The following PDPN variants were observed in gnomAD, a reference collection of about 807,000 sequenced individuals.
The protein encoded by PDPN is podoplanin.
PDPN carries 12 observed loss-of-function variants against 23.2 expected under a neutral mutation model. That is an observed-to-expected ratio of 0.52 (90% confidence interval 0.33 to 0.84). PDPN has a LOEUF of 0.84. Among genes scored for constraint, PDPN ranks in the 40% least tolerant of loss-of-function variants. The probability of loss-of-function intolerance (pLI) is 0.02; values close to 1 mark genes in which losing one functional copy is unlikely to be tolerated. For missense variants in PDPN, 199 were observed against 212.2 expected (o/e 0.94, Z 0.39); for synonymous variants, 77 against 76.7 (o/e 1.00, Z -0.02).
chr1:13,613,870 CT>C (rs34784418), intron 4 of PDPN, 145 bp downstream of exon 4: 106,375 of 217,572 alleles, frequency 0.49, 22,052 homozygotes, highest in African/African-American at 0.59. Flanking sequence ...AGATTTCAAG[CT>C]TTTTTTTTTT....
intron 1 of PDPN, among the ~76,000 whole-genome samples, chr1:13,605,512 C>G (rs2788749): frequency 0.5 from 75,844 of 152,078 alleles, 19,089 homozygotes; most frequent in East Asian, 0.64. Context: ...ATGGTCATGA[C>G]TAGTTTGGGT....
In PDPN at chr1:13,595,876, G is replaced by A. The variant is rs752442442; in HGVS notation, c.68-11297G>A. The A allele has an allele frequency of 1.0e-4, 130 of 1,288,546 alleles. 1 individual carries two copies. In the South Asian group the frequency reaches 1.5e-3, roughly 15 times the overall value. The allele number at this position is 1,288,546 out of a possible 1,614,324, so 79.8% of individuals were successfully genotyped here. On this transcript the variant is annotated intron_variant, in intron 1 of 5. Coordinates refer to ENST00000621990, the MANE Select transcript of PDPN (RefSeq NM_006474.5). ...GTGAAGCCTGGTGGACAGCGGCAGG[G>A]ACATCATAAATACAGAAGATAATTT...
chr1:13,614,582 GTC>G, intron 5 of PDPN, 171 bp downstream of exon 5: 1 of 563,844 alleles, frequency 1.8e-6, no homozygotes, highest in Non-Finnish European at 3.2e-6. Context: ...GTAAGACCCT[GTC>G]TCAAAAAAAT....
At chr1:13,585,783 A>C (rs1477007130) in intron 1 of PDPN, 1 of 529,270 alleles carries the variant, frequency 1.9e-6, no homozygotes, top group Non-Finnish European at 3.4e-6. Flanking sequence ...GAGGCCCAGC[A>C]GGGTTTTTGT....
chr1:13,607,345 A>G (rs375769363), intron 2 of PDPN, 39 bp downstream of exon 2: 31 of 1,562,562 alleles, frequency 2.0e-5, no homozygotes, highest in African/African-American at 2.7e-5. Flanking sequence ...TTCCGTAGGC[A>G]TGTGATCACA....
intron 1 of PDPN, among the ~76,000 whole-genome samples, chr1:13,595,549 G>A (rs903236437): frequency 1.3e-5 from 2 of 152,160 alleles, no homozygotes; most frequent in African/African-American, 4.8e-5. Context: ...TCACGTGCTG[G>A]ATTTCTCCTG....
rs531657978 is a variant in PDPN, at chr1:13,584,414, G to A, written c.67+314G>A. 8.3e-4 allele frequency: 884 copies of A among 1,064,546 alleles called. 14 individuals carry two copies. In the South Asian group the frequency reaches 0.014, roughly 17 times the overall value. The allele number at this position is 1,064,546 out of a possible 1,614,324, so 65.9% of individuals were successfully genotyped here. ...TCGGGTGGAAGGTTCACAGTAGGCA[G>A]CCCCGCTTGCTGGCAGCAGTGGCTG... On this transcript the variant is annotated intron_variant, in intron 1 of 5. Transcript: ENST00000621990.
chr1:13,584,796 A>G (rs765785818), intron 1 of PDPN, among the ~76,000 whole-genome samples: 3 of 152,180 alleles, frequency 2.0e-5, no homozygotes, highest in Non-Finnish European at 4.4e-5. Flanking sequence ...GGGCAACAAC[A>G]TCAGTGGCTG....
chr1:13,613,836 C>T (rs1001453316), intron 4 of PDPN, 111 bp downstream of exon 4: 4 of 581,906 alleles, frequency 6.9e-6, no homozygotes, highest in Admixed American at 6.1e-5. Flanking sequence ...TCAATGAGAG[C>T]AGAATAGAAA....
At chr1:13,589,822 G>T (rs72867951) in intron 1 of PDPN, among the ~76,000 whole-genome samples, 10 of 115,232 alleles carry the variant, frequency 8.7e-5, no homozygotes, top group Admixed American at 2.4e-4. Context: ...CACTTGTATT[G>T]ATTGATTGAT....
chr1:13,612,806 T>G (rs988276580), intron 3 of PDPN, among the ~76,000 whole-genome samples: 16 of 152,112 alleles, frequency 1.1e-4, no homozygotes, highest in African/African-American at 3.1e-4. Flanking sequence ...TTACCACTGA[T>G]TAGGGAAGCT....
intron 3 of PDPN, among the ~76,000 whole-genome samples, chr1:13,610,800 A>C (rs563592751): frequency 6.6e-6 from 1 of 152,252 alleles, no homozygotes; most frequent in African/African-American, 2.4e-5. Context: ...AGTGGATAGA[A>C]TGTGACGTGA....
chr1:13,595,213 T>A (rs544748899), intron 1 of PDPN, among the ~76,000 whole-genome samples: 1 of 152,192 alleles, frequency 6.6e-6, no homozygotes, highest in Non-Finnish European at 1.5e-5. Flanking sequence ...TGAGAGATAA[T>A]GTCATACCTG....
At chr1:13,605,578 T>C (rs754419643) in intron 1 of PDPN, among the ~76,000 whole-genome samples, 12 of 152,202 alleles carry the variant, frequency 7.9e-5, no homozygotes, top group Non-Finnish European at 1.3e-4. Context: ...TATCTCTCAT[T>C]GTAGAATTCA....
chr1:13,589,504 C>T (rs1446282367), intron 1 of PDPN, among the ~76,000 whole-genome samples: 3 of 152,160 alleles, frequency 2.0e-5, no homozygotes, highest in African/African-American at 4.8e-5. Flanking sequence ...GAGTGCTTAG[C>T]GTGTGTGAAC....
chr1:13,602,447 G>A (rs1245923300), intron 1 of PDPN, among the ~76,000 whole-genome samples: 1 of 152,176 alleles, frequency 6.6e-6, no homozygotes, highest in Non-Finnish European at 1.5e-5. Context: ...AAGACAAATG[G>A]ATGAAACAAC....
chr1:13,596,009 T>C, intron 1 of PDPN: 2 of 443,730 alleles, frequency 4.5e-6, no homozygotes, highest in Admixed American at 6.2e-5. Flanking sequence ...AGCAGCCTGG[T>C]CAACATGATG....
At chr1:13,613,874 T>C in intron 4 of PDPN, 149 bp downstream of exon 4, 1 of 417,104 alleles carries the variant, frequency 2.4e-6, no homozygotes. Flanking sequence ...TTCAAGCTTT[T>C]TTTTTTTTTT....
At chr1:13,590,314 T>C (rs434651) in intron 1 of PDPN, among the ~76,000 whole-genome samples, 92,820 of 152,144 alleles carry the variant, frequency 0.61, 31,062 homozygotes, top group African/African-American at 0.89. Context: ...GCTGTGATTG[T>C]AGCTTGCAAA....
Sources: allele counts gnomAD v4.1 joint callset (sites outside exome capture counted in the v4.1 genomes callset), GRCh38; gene constraint gnomAD v4.1.1; transcripts MANE v1.5; gene names NCBI Gene and HGNC (gene_info 2026-07-23, HGNC 2026-07-21).